The following CNST variants were observed in gnomAD, a reference collection of about 807,000 sequenced individuals.
The protein encoded by CNST is consortin, connexin sorting protein.
Under a neutral mutation model 72.4 loss-of-function variants are expected in CNST, and 39 were observed. The ratio of observed to expected loss-of-function variants is 0.54; its 90% CI spans 0.42 to 0.70. CNST has a LOEUF of 0.70. Ranked by LOEUF, CNST falls within the 30% of genes least tolerant of loss-of-function variation. The pLI is 0.00. For missense variants in CNST, 871 were observed against 868.5 expected, an observed-to-expected ratio of 1.00 and a Z score of -0.04; for synonymous variants, 332 against 320.1, an observed-to-expected ratio of 1.04 and a Z score of -0.40.
At chr1:246,630,145 C>G (rs368313563) in intron 3 of CNST, among the ~76,000 whole-genome samples, 1 of 152,216 alleles carries the variant, frequency 6.6e-6, no homozygotes, top group African/African-American at 2.4e-5. Context: ...ACATTGGTAG[C>G]TTGACATCGG....
intron 6 of CNST, among the ~76,000 whole-genome samples, chr1:246,635,910 G>A (rs1304840974): frequency 6.6e-6 from 1 of 152,188 alleles, no homozygotes; most frequent in Non-Finnish European, 1.5e-5. Flanking sequence ...CTCCGAGGGT[G>A]TTGCCCGCCT....
chr1:246,584,113 T>A (rs1442492551), intron 1 of CNST, among the ~76,000 whole-genome samples: 1 of 152,112 alleles, frequency 6.6e-6, no homozygotes, highest in Non-Finnish European at 1.5e-5. Flanking sequence ...CCTAATATTT[T>A]AGAGTGTCTG....
chr1:246,648,180 A>G, intron 9 of CNST, 143 bp downstream of exon 9: 2 of 1,422,884 alleles, frequency 1.4e-6, no homozygotes, highest in South Asian at 1.6e-5. Context: ...TTTAATTATT[A>G]GTAGTTTTTA....
chr1:246,656,020 T>C (rs1337899874), intron 9 of CNST, among the ~76,000 whole-genome samples: 2 of 152,246 alleles, frequency 1.3e-5, no homozygotes, highest in African/African-American at 4.8e-5. Flanking sequence ...CATGTGCCAC[T>C]ATAGTGAAAT....
At chr1:246,576,401 T>C (rs1660433357) in intron 1 of CNST, among the ~76,000 whole-genome samples, 1 of 149,682 alleles carries the variant, frequency 6.7e-6, no homozygotes, top group Non-Finnish European at 1.5e-5. Context: ...GACTATTATT[T>C]TAACTTTATT....
At chr1:246,644,410 A>G (rs1404809996) in intron 8 of CNST, among the ~76,000 whole-genome samples, 2 of 147,902 alleles carry the variant, frequency 1.4e-5, no homozygotes, top group Non-Finnish European at 1.5e-5. Flanking sequence ...AAAAAAAAAA[A>G]ATTGTCTCAT....
rs189506660 is a variant in CNST, at chr1:246,649,808, C to T, written c.1836+1771C>T. ...TTTTTGCTTCTGCCTGAAAGCTGTT[C>T]GGCTGGATAAATTTCTATCATCTAG... On this transcript the variant is annotated intron_variant, in intron 9 of 10. Transcript: ENST00000366513. Among the ~76,000 whole-genome samples the T allele has an allele frequency of 2.1e-4, 32 of 150,366 alleles. 1 individual carries two copies. The South Asian group carries it at 2.3e-3, about 11-fold the overall frequency.
At chr1:246,644,127 G>A (rs1002451889) in intron 8 of CNST, among the ~76,000 whole-genome samples, 4 of 152,098 alleles carry the variant, frequency 2.6e-5, no homozygotes, top group Non-Finnish European at 4.4e-5. Flanking sequence ...TTTGCCGGGC[G>A]CGATGGCTCA....
At chr1:246,651,885 AGATTT>A (rs1472670143) in intron 9 of CNST, among the ~76,000 whole-genome samples, 1 of 152,204 alleles carries the variant, frequency 6.6e-6, no homozygotes, top group Non-Finnish European at 1.5e-5. Flanking sequence ...CACATTGGAA[AGATTT>A]ACTCGTTTAT....
At chr1:246,641,522 T>C (rs12401692) in intron 6 of CNST, among the ~76,000 whole-genome samples, 42,351 of 152,020 alleles carry the variant, frequency 0.28, 6,670 homozygotes, top group East Asian at 0.67. Flanking sequence ...GTTGCTTCTT[T>C]GGGGGTTTCC....
At chr1:246,660,870 A>G (rs1447790959) in intron 10 of CNST, among the ~76,000 whole-genome samples, 1 of 152,194 alleles carries the variant, frequency 6.6e-6, no homozygotes, top group Non-Finnish European at 1.5e-5. Context: ...GCAAAATTCA[A>G]CTTGTGGCCT....
intron 6 of CNST, among the ~76,000 whole-genome samples, chr1:246,634,923 C>T (rs1161857824): frequency 8.6e-6 from 1 of 115,898 alleles, no homozygotes; most frequent in Non-Finnish European, 1.8e-5. Flanking sequence ...CTACGTGGTA[C>T]CTGGATGGCC....
chr1:246,623,637 C>G (rs1322987300), intron 3 of CNST, among the ~76,000 whole-genome samples: 1 of 152,126 alleles, frequency 6.6e-6, no homozygotes, highest in Non-Finnish European at 1.5e-5. Context: ...TGGCACGCGC[C>G]TGTAGTCCCA....
chr1:246,636,641 C>T (rs577273151), intron 6 of CNST, among the ~76,000 whole-genome samples: 7 of 152,312 alleles, frequency 4.6e-5, no homozygotes, highest in East Asian at 1.9e-4. Flanking sequence ...TTTCTGTCTT[C>T]GAGCACTTGA....
At chr1:246,654,889 C>T (rs764069632) in intron 9 of CNST, among the ~76,000 whole-genome samples, 3 of 151,838 alleles carry the variant, frequency 2.0e-5, no homozygotes, top group Admixed American at 6.6e-5. Flanking sequence ...AGGAAGACAG[C>T]GCTGAACACA....
intron 9 of CNST, among the ~76,000 whole-genome samples, chr1:246,652,813 G>A (rs570595711): frequency 4.1e-4 from 62 of 150,800 alleles, no homozygotes; most frequent in African/African-American, 1.4e-3. Context: ...GACCATCCTG[G>A]CTAACACGGT....
At chr1:246,604,926 C>T (rs979017098) in intron 2 of CNST, among the ~76,000 whole-genome samples, 1 of 152,202 alleles carries the variant, frequency 6.6e-6, no homozygotes, top group African/African-American at 2.4e-5. Context: ...CTCGGCCTCC[C>T]AGAGTGCTGG....
At chr1:246,605,194 G>T (rs1202398487) in intron 2 of CNST, among the ~76,000 whole-genome samples, 2 of 152,198 alleles carry the variant, frequency 1.3e-5, no homozygotes, top group Non-Finnish European at 2.9e-5. Context: ...CAAAGTCAGT[G>T]TACTTCCAAT....
intron 3 of CNST, among the ~76,000 whole-genome samples, chr1:246,628,825 T>C (rs771954903): frequency 5.3e-5 from 8 of 152,198 alleles, no homozygotes; most frequent in Non-Finnish European, 1.0e-4. Context: ...TGTCTTTTTT[T>C]AGAGCGTTCC....
Sources: allele counts gnomAD v4.1 joint callset (sites outside exome capture counted in the v4.1 genomes callset), GRCh38; gene constraint gnomAD v4.1.1; transcripts MANE v1.5; gene names NCBI Gene and HGNC (gene_info 2026-07-23, HGNC 2026-07-21).